The following DCC variants were observed in gnomAD, a reference collection of about 807,000 sequenced individuals.
DCC encodes netrin receptor DCC.
Under a neutral mutation model 172.5 loss-of-function variants are expected in DCC, and 58 were observed. The observed-to-expected ratio is 0.34, with a 90% CI of 0.27 to 0.42. The LOEUF (loss-of-function observed/expected upper bound fraction) is 0.42, where lower values mean the gene tolerates loss of function less well. DCC is among the 10% of genes least tolerant of loss of function. DCC has a pLI of 1.00. For synonymous variants in DCC, 709 were observed against 644.5 expected, an observed-to-expected ratio of 1.10 and a Z score of -1.52; for missense variants, 1,740 against 1,791.0, an observed-to-expected ratio of 0.97 and a Z score of 0.51.
intron 15 of DCC, among the ~76,000 whole-genome samples, chr18:53,371,707 C>A (rs1027562628): frequency 3.3e-5 from 5 of 151,834 alleles, no homozygotes; most frequent in Admixed American, 6.6e-5. Flanking sequence ...TGAATGTTAA[C>A]CCAATATCTA....
At chr18:52,989,886 G>A (rs1183317112) in intron 5 of DCC, among the ~76,000 whole-genome samples, 1 of 152,144 alleles carries the variant, frequency 6.6e-6, no homozygotes, top group Admixed American at 6.5e-5. Flanking sequence ...TACAGCTCCA[G>A]TACCCACATG....
At chr18:53,239,488 A>C (rs2056256746) in intron 12 of DCC, among the ~76,000 whole-genome samples, 1 of 152,020 alleles carries the variant, frequency 6.6e-6, no homozygotes, top group Non-Finnish European at 1.5e-5. Flanking sequence ...AGGATGAGAG[A>C]TGATGGTTGT....
intron 5 of DCC, among the ~76,000 whole-genome samples, chr18:53,048,569 ATG>A (rs201814567): frequency 2.9e-4 from 37 of 126,920 alleles, no homozygotes; most frequent in South Asian, 9.7e-4. Flanking sequence ...GTGTATATGT[ATG>A]TGTGTGTATA....
intron 5 of DCC, among the ~76,000 whole-genome samples, chr18:52,983,189 G>A (rs182355700): frequency 1.6e-4 from 24 of 152,204 alleles, no homozygotes; most frequent in Non-Finnish European, 2.9e-4. Context: ...AGCTTCCCCG[G>A]GTAATTTTTC....
chr18:52,831,251 T>C (rs1184945152), intron 2 of DCC, among the ~76,000 whole-genome samples: 1 of 152,122 alleles, frequency 6.6e-6, no homozygotes, highest in East Asian at 1.9e-4. Flanking sequence ...GGAGAATTAG[T>C]AGGACATGAG....
chr18:52,956,926 A>C (rs1397415434), intron 5 of DCC, among the ~76,000 whole-genome samples: 1 of 152,112 alleles, frequency 6.6e-6, no homozygotes, highest in Non-Finnish European at 1.5e-5. Flanking sequence ...CACTTTTTCC[A>C]GTTGAGTTCA....
At chr18:53,136,811 G>T (rs970883914) in intron 7 of DCC, among the ~76,000 whole-genome samples, 1 of 152,142 alleles carries the variant, frequency 6.6e-6, no homozygotes, top group Non-Finnish European at 1.5e-5. Context: ...GTATGTCTCA[G>T]CATTTGAACA....
At chr18:52,869,028 G>A (rs771853262) in intron 2 of DCC, among the ~76,000 whole-genome samples, 1 of 152,242 alleles carries the variant, frequency 6.6e-6, no homozygotes, top group Non-Finnish European at 1.5e-5. Context: ...CAAAGAGGGA[G>A]ATACAGCCCT....
At position 52,927,047 on chromosome 18, in the gene DCC, A is replaced by G. The variant is rs1249115027; in HGVS notation, c.985+1677A>G. Among the ~76,000 whole-genome samples the G allele has an allele frequency of 1.8e-4, 23 of 128,542 alleles. 1 individual carries two copies. Among genetic ancestry groups the G allele is most frequent in the African/African-American group, 6.5e-4 (22 of 33,942 alleles). The allele number at this position is 128,542 out of a possible 152,430, so 84.3% of individuals were successfully genotyped here. A position where few individuals can be genotyped will look rare whatever the true frequency, so the allele number is the denominator to read the frequency against. ...AATGCCAGTATGAGTATGCCAATAC[A>G]TATATATACACATATATACACACAT... On this transcript the variant is annotated intron_variant, in intron 5 of 28. Coordinates refer to ENST00000442544, the MANE Select transcript of DCC (RefSeq NM_005215.4).
chr18:53,405,181 A>G (rs1909580601), intron 19 of DCC, among the ~76,000 whole-genome samples: 1 of 130,918 alleles, frequency 7.6e-6, no homozygotes, highest in African/African-American at 2.7e-5. Context: ...AACAATTAAT[A>G]ATAAAAAGTA....
chr18:53,444,153 T>C (rs1336900225), intron 22 of DCC, among the ~76,000 whole-genome samples: 1 of 152,244 alleles, frequency 6.6e-6, no homozygotes, highest in East Asian at 1.9e-4. Flanking sequence ...CTCCTATGGG[T>C]AAAATGCTAT....
At chr18:52,665,256 A>C (rs375258925) in intron 1 of DCC, among the ~76,000 whole-genome samples, 2 of 152,184 alleles carry the variant, frequency 1.3e-5, no homozygotes, top group African/African-American at 4.8e-5. Context: ...ATGGGTTAGA[A>C]TATTTGGGTT....
chr18:53,304,915 C>T (rs755076705), intron 12 of DCC, among the ~76,000 whole-genome samples: 1 of 152,168 alleles, frequency 6.6e-6, no homozygotes, highest in Non-Finnish European at 1.5e-5. Context: ...ATAATTCCTA[C>T]CTGTCATGGG....
intron 5 of DCC, among the ~76,000 whole-genome samples, chr18:52,996,537 AT>A (rs763667780): frequency 2.5e-3 from 379 of 152,040 alleles, no homozygotes; most frequent in Non-Finnish European, 4.7e-3. Flanking sequence ...AATTCCAGAA[AT>A]TTTTCACCCT....
At chr18:53,448,431 C>T (rs183659824) in intron 22 of DCC, among the ~76,000 whole-genome samples, 4 of 152,290 alleles carry the variant, frequency 2.6e-5, no homozygotes, top group Admixed American at 6.5e-5. Flanking sequence ...TGAGAATTCA[C>T]TATCACAAGA....
intron 9 of DCC, among the ~76,000 whole-genome samples, chr18:53,179,617 A>G (rs1224667506): frequency 6.6e-6 from 1 of 152,198 alleles, no homozygotes; most frequent in East Asian, 1.9e-4. Flanking sequence ...CCTCTATTGG[A>G]TAATCTCACT....
intron 1 of DCC, among the ~76,000 whole-genome samples, chr18:52,364,340 A>G (rs1338155433): frequency 6.6e-6 from 1 of 151,350 alleles, no homozygotes; most frequent in Non-Finnish European, 1.5e-5. Context: ...AAACAGGTAT[A>G]TAAGAAAATA....
chr18:53,158,521 C>T (rs1412575994), intron 8 of DCC, among the ~76,000 whole-genome samples: 1 of 152,150 alleles, frequency 6.6e-6, no homozygotes, highest in Non-Finnish European at 1.5e-5. Flanking sequence ...GGGACATATA[C>T]ATTGGATAAA....
chr18:52,371,255 A>G (rs1985109984), intron 1 of DCC, among the ~76,000 whole-genome samples: 1 of 152,204 alleles, frequency 6.6e-6, no homozygotes, highest in African/African-American at 2.4e-5. Flanking sequence ...TAGGTGCCAC[A>G]AAATTTGTCT....
Sources: allele counts gnomAD v4.1 joint callset (sites outside exome capture counted in the v4.1 genomes callset), GRCh38; gene constraint gnomAD v4.1.1; transcripts MANE v1.5; gene names NCBI Gene and HGNC (gene_info 2026-07-23, HGNC 2026-07-21).